Variants in EYA1 observed in about 807,000 individuals in gnomAD.
The protein encoded by EYA1 is protein phosphatase EYA1.
A neutral mutation model predicts 82.0 loss-of-function variants in EYA1; 16 were observed. The ratio of observed to expected loss-of-function variants is 0.20; its 90% CI spans 0.13 to 0.30. The LOEUF is 0.30. Among genes scored for constraint, EYA1 ranks in the 10% least tolerant of loss-of-function variants. The pLI is 1.00. For synonymous variants in EYA1, 261 were observed against 264.4 expected (o/e 0.99, Z 0.12); for missense variants, 633 against 730.7 (o/e 0.87, Z 1.54).
chr8:71,395,276 C>A (rs1352988625), intron 2 of EYA1, among the ~76,000 whole-genome samples: 2 of 148,610 alleles, frequency 1.3e-5, no homozygotes, highest in Non-Finnish European at 3.0e-5. Context: ...AATTGAATAA[C>A]CTTTATTTCT....
chr8:71,427,966 G>C (rs533948945), intron 2 of EYA1, among the ~76,000 whole-genome samples: 49 of 130,388 alleles, frequency 3.8e-4, no homozygotes, highest in Non-Finnish European at 6.5e-4. Context: ...GGGACAGAGA[G>C]AGACCTTGTC....
At chr8:71,243,704 G>A (rs1812755871) in intron 12 of EYA1, among the ~76,000 whole-genome samples, 1 of 152,140 alleles carries the variant, frequency 6.6e-6, no homozygotes, top group Non-Finnish European at 1.5e-5. Context: ...ATTAAATAAG[G>A]TGCATTTTGC....
chr8:71,407,763 G>T lies in EYA1; in HGVS notation c.34-51252C>A, dbSNP rs1280648053. On this transcript the variant is annotated intron_variant, in intron 2 of 18. Transcript: ENST00000643681. Reference sequence around the variant, plus strand: ...ACATCTGATTGGTGTACCTGAAAGTGATGCGGAGAATGGAACCAAGTTGGA... The same window carrying T: ...ACATCTGATTGGTGTACCTGAAAGTTATGCGGAGAATGGAACCAAGTTGGA... Among the ~76,000 whole-genome samples, 5 of 137,416 alleles carry T rather than the reference G, an allele frequency of 3.6e-5. 1 individual carries two copies. The East Asian group carries it at 1.0e-3, about 27-fold the overall frequency. 90.2% of individuals were successfully genotyped at this position (137,416 alleles called of 152,430 possible). A position where few individuals can be genotyped will look rare whatever the true frequency, so the allele number is the denominator to read the frequency against.
At chr8:71,487,681 C>T (rs1206024804) in intron 2 of EYA1, among the ~76,000 whole-genome samples, 1 of 152,122 alleles carries the variant, frequency 6.6e-6, no homozygotes, top group Non-Finnish European at 1.5e-5. Context: ...TGAACAGGCA[C>T]TTCGCAAAAC....
chr8:71,345,358 C>G (rs1825583507), intron 3 of EYA1, among the ~76,000 whole-genome samples: 1 of 152,154 alleles, frequency 6.6e-6, no homozygotes, highest in Admixed American at 6.5e-5. Flanking sequence ...TGTAGCAACA[C>G]TACAGGCATG....
At chr8:71,319,893 A>T (rs189723772) in intron 6 of EYA1, among the ~76,000 whole-genome samples, 1 of 152,200 alleles carries the variant, frequency 6.6e-6, no homozygotes, top group Non-Finnish European at 1.5e-5. Flanking sequence ...CCTTCTACTC[A>T]AGTTCCCAAA....
chr8:71,265,674 A>G (rs1307865267), intron 11 of EYA1, among the ~76,000 whole-genome samples: 13 of 152,214 alleles, frequency 8.5e-5, no homozygotes, highest in African/African-American at 3.1e-4. Flanking sequence ...ATTGAATTAC[A>G]TTGTTTATTA....
At chr8:71,322,297 G>A (rs1228078114) in intron 4 of EYA1, 29 bp from the exon 5 acceptor site, 17 of 1,585,668 alleles carry the variant, frequency 1.1e-5, no homozygotes, top group Non-Finnish European at 1.4e-5. Flanking sequence ...ACAAAATAAT[G>A]CACAATAATC....
chr8:71,530,024 C>T (rs1028967910), intron 2 of EYA1: 1 of 152,120 alleles, frequency 6.6e-6, no homozygotes, highest in Non-Finnish European at 1.5e-5. Flanking sequence ...TGAATTGTAT[C>T]TCTCCAGAAA....
chr8:71,391,136 A>T (rs764435498), intron 2 of EYA1, among the ~76,000 whole-genome samples: 1 of 151,940 alleles, frequency 6.6e-6, no homozygotes, highest in Non-Finnish European at 1.5e-5. Context: ...ACCACACACA[A>T]CTAATTTTTA....
chr8:71,420,004 T>C (rs546976755), intron 2 of EYA1, among the ~76,000 whole-genome samples: 5 of 152,138 alleles, frequency 3.3e-5, no homozygotes, highest in Non-Finnish European at 7.4e-5. Flanking sequence ...CTAGATATAG[T>C]ATCTGAAATT....
intron 2 of EYA1, among the ~76,000 whole-genome samples, chr8:71,476,272 C>A (rs1022226632): frequency 5.3e-5 from 8 of 152,098 alleles, no homozygotes; most frequent in Non-Finnish European, 8.8e-5. Context: ...TTCTAAAGCA[C>A]TTTTTCCTCT....
At chr8:71,211,345 C>T (rs1216496514) in intron 16 of EYA1, 89 bp from the exon 17 acceptor site, 29 of 854,716 alleles carry the variant, frequency 3.4e-5, no homozygotes, top group East Asian at 3.2e-4. Flanking sequence ...ATGCTTTCTT[C>T]ATGCTCTGAT....
At chr8:71,533,026 C>T (rs1034764062) in intron 2 of EYA1, among the ~76,000 whole-genome samples, 13 of 152,160 alleles carry the variant, frequency 8.5e-5, no homozygotes, top group Non-Finnish European at 1.6e-4. Context: ...GCCAGAAACA[C>T]ACTGAGGATT....
chr8:71,374,974 T>C (rs1828287512), intron 2 of EYA1, among the ~76,000 whole-genome samples: 1 of 152,110 alleles, frequency 6.6e-6, no homozygotes, highest in African/African-American at 2.4e-5. Context: ...TATAATGTGG[T>C]TACCAGGGGC....
chr8:71,449,706 C>G (rs531881651), intron 2 of EYA1, among the ~76,000 whole-genome samples: 23 of 152,312 alleles, frequency 1.5e-4, no homozygotes, highest in Admixed American at 1.4e-3. Context: ...GTCAGCCTGA[C>G]CTTTGAAGCT....
chr8:71,532,029 CAT>C (rs1814320719), intron 2 of EYA1, among the ~76,000 whole-genome samples: 1 of 152,190 alleles, frequency 6.6e-6, no homozygotes, highest in Non-Finnish European at 1.5e-5. Flanking sequence ...CATGGTCTTT[CAT>C]CATAGGATGG....
intron 17 of EYA1, among the ~76,000 whole-genome samples, chr8:71,204,870 A>C (rs1807551901): frequency 6.6e-6 from 1 of 152,132 alleles, no homozygotes; most frequent in African/African-American, 2.4e-5. Flanking sequence ...CTCTAGACAT[A>C]AGTATGCTTT....
intron 6 of EYA1, among the ~76,000 whole-genome samples, chr8:71,318,894 C>T (rs1342900810): frequency 6.6e-6 from 1 of 152,054 alleles, no homozygotes; most frequent in African/African-American, 2.4e-5. Context: ...CTTAACACAA[C>T]CTTAACATTT....
Sources: gnomAD v4.1 joint callset for allele counts (sites outside exome capture counted in the v4.1 genomes callset) on GRCh38, gnomAD v4.1.1 for gene constraint, MANE v1.5 for transcripts, NCBI Gene and HGNC (gene_info 2026-07-23, HGNC 2026-07-21) for gene names.